Variants in CCDC150 observed in about 807,000 individuals in gnomAD.
CCDC150 encodes the protein coiled-coil domain containing 150.
CCDC150 carries 151 observed loss-of-function variants against 156.5 expected under a neutral mutation model. That is an observed-to-expected ratio of 0.97 (90% confidence interval 0.85 to 1.10). The LOEUF (loss-of-function observed/expected upper bound fraction) is 1.10, where lower values mean the gene tolerates loss of function less well. CCDC150 is among the 50% of genes least tolerant of loss of function. The probability of loss-of-function intolerance (pLI) is 0.00; values close to 1 mark genes in which losing one functional copy is unlikely to be tolerated. For synonymous variants in CCDC150, 452 were observed against 429.4 expected (o/e 1.05, Z -0.65); for missense variants, 1,312 against 1,268.1 (o/e 1.03, Z -0.53).
intron 21 of CCDC150, among the ~76,000 whole-genome samples, chr2:196,723,509 T>C (rs745652439): frequency 6.6e-5 from 10 of 151,780 alleles, no homozygotes; most frequent in Non-Finnish European, 1.5e-4. Flanking sequence ...CTCAAAAAAA[T>C]AAAAAGATAA....
chr2:196,718,268 T>C (rs906066776), intron 17 of CCDC150: 1 of 257,826 alleles, frequency 3.9e-6, no homozygotes. Flanking sequence ...GATAGTCTTA[T>C]TCTCCCTATT....
At chr2:196,701,227 C>A in intron 15 of CCDC150, 47 bp downstream of exon 15, 1 of 1,241,332 alleles carries the variant, frequency 8.1e-7, no homozygotes, top group Non-Finnish European at 1.1e-6. Flanking sequence ...TTTAAAAATA[C>A]CAATTATCAA....
intron 18 of CCDC150, 21 bp downstream of exon 18, chr2:196,718,652 G>A: frequency 6.2e-7 from 1 of 1,609,646 alleles, no homozygotes; most frequent in South Asian, 1.1e-5. Context: ...AGTCCCTTCT[G>A]ACCGTCTGTC....
At chr2:196,642,247 A>G (rs1692273210) in intron 1 of CCDC150, among the ~76,000 whole-genome samples, 2 of 152,200 alleles carry the variant, frequency 1.3e-5, no homozygotes, top group Non-Finnish European at 2.9e-5. Context: ...TCTTTGCTAG[A>G]ATGTCAGCCA....
At chr2:196,710,677 A>G (rs1185757069) in intron 15 of CCDC150, among the ~76,000 whole-genome samples, 2 of 152,256 alleles carry the variant, frequency 1.3e-5, no homozygotes, top group Non-Finnish European at 2.9e-5. Flanking sequence ...GGCATATTAA[A>G]TAGGTACATT....
intron 15 of CCDC150, among the ~76,000 whole-genome samples, chr2:196,709,685 G>A (rs190826188): frequency 6.6e-6 from 1 of 152,330 alleles, no homozygotes; most frequent in African/African-American, 2.4e-5. Flanking sequence ...TACAGATGGA[G>A]TTTTCATGTG....
intron 13 of CCDC150, among the ~76,000 whole-genome samples, chr2:196,689,447 A>C (rs901821430): frequency 7.3e-5 from 11 of 150,128 alleles, no homozygotes; most frequent in African/African-American, 2.7e-4. Context: ...GTTCTCCTTG[A>C]AGAGGTCCTT....
chr2:196,689,284 A>T (rs972800565), intron 13 of CCDC150, among the ~76,000 whole-genome samples: 1 of 152,142 alleles, frequency 6.6e-6, no homozygotes, highest in Admixed American at 6.5e-5. Flanking sequence ...CTGTGAGGAA[A>T]GTCATTGGTA....
Position 196,712,698 on chromosome 2 carries a change from A to G in CCDC150, c.1825A>G (p.Lys609Glu). 6.2e-7 allele frequency: 1 copy of G among 1,611,034 alleles called. No homozygotes were observed. Among genetic ancestry groups the G allele is most frequent in the South Asian group, 1.1e-5 (1 of 90,210 alleles). Residue 609 changes from lysine (K) to glutamate (E), a missense_variant, in exon 17 of 28, where the codon AAG becomes GAG. Transcript: ENST00000389175. Reference sequence around the variant, plus strand: ...AAAGGCAAACTCAGAACTCAGTGCCAAGAGGGTACACCTGCAGCAGGCAGA... The same window carrying G: ...AAAGGCAAACTCAGAACTCAGTGCCGAGAGGGTACACCTGCAGCAGGCAGA... ...YAQANSELSA[K>E]RVHLQQADAH...
chr2:196,674,688 CT>C (rs1694395288), intron 10 of CCDC150, among the ~76,000 whole-genome samples: 1 of 152,116 alleles, frequency 6.6e-6, no homozygotes, highest in Non-Finnish European at 1.5e-5. Flanking sequence ...ATGCCATTTT[CT>C]CTGCTGAGAA....
intron 19 of CCDC150, among the ~76,000 whole-genome samples, chr2:196,720,005 T>C (rs1697785079): frequency 6.6e-6 from 1 of 152,210 alleles, no homozygotes; most frequent in Non-Finnish European, 1.5e-5. Flanking sequence ...GTCAAGATAA[T>C]TGAAACTAAG....
At position 196,712,240 on chromosome 2, in the gene CCDC150, T is replaced by C; in HGVS notation, c.1791T>C (p.Thr597=). The C allele has an allele frequency of 6.5e-7, 1 of 1,532,514 alleles. No homozygotes were observed. The highest frequency in any genetic ancestry group is 1.2e-5 in the South Asian group (1 of 80,312). 94.9% of individuals were successfully genotyped at this position (1,532,514 alleles called of 1,614,324 possible). A position where few individuals can be genotyped will look rare whatever the true frequency, so the allele number is the denominator to read the frequency against. ...GCAAGATGAATAAGTATTTACAGAC[T>C]AAATATGCTCAGGTGTGATTAATAT... is the stretch of plus-strand genomic sequence containing the variant. ...HLRKMNKYLQ[T]KYAQANSELS... The change falls in exon 16 of 28, where the codon ACT becomes ACC. Residue 597 remains threonine, a synonymous_variant. Coordinates refer to ENST00000389175, the MANE Select transcript of CCDC150 (RefSeq NM_001080539.2).
intron 13 of CCDC150, among the ~76,000 whole-genome samples, chr2:196,681,623 CACAA>C (rs556087499): frequency 6.6e-6 from 1 of 152,278 alleles, no homozygotes; most frequent in South Asian, 2.1e-4. Flanking sequence ...TCCACATCCT[CACAA>C]ACACTTATTT....
intron 26 of CCDC150, 54 bp from the exon 27 acceptor site, chr2:196,731,979 A>T: frequency 6.4e-7 from 1 of 1,569,860 alleles, no homozygotes; most frequent in Non-Finnish European, 8.7e-7. Flanking sequence ...TAATACACAA[A>T]AAAACTTGTA....
chr2:196,661,084 A>G (rs762038638), intron 5 of CCDC150, among the ~76,000 whole-genome samples: 16 of 152,304 alleles, frequency 1.1e-4, no homozygotes, highest in Admixed American at 5.2e-4. Flanking sequence ...GCCATTTAAC[A>G]TTATTTTTTA....
At chr2:196,710,072 C>A (rs1162477693) in intron 15 of CCDC150, among the ~76,000 whole-genome samples, 2 of 152,238 alleles carry the variant, frequency 1.3e-5, no homozygotes. Context: ...TTTAAGTCTG[C>A]AGAAGTTTCT....
chr2:196,730,648 C>A (rs1044278841), intron 25 of CCDC150, among the ~76,000 whole-genome samples: 1 of 152,102 alleles, frequency 6.6e-6, no homozygotes, highest in African/African-American at 2.4e-5. Flanking sequence ...AATAAAAAAT[C>A]AAAATGTGTA....
chr2:196,640,896 A>G (rs1242084101), intron 1 of CCDC150, among the ~76,000 whole-genome samples: 1 of 152,080 alleles, frequency 6.6e-6, no homozygotes, highest in African/African-American at 2.4e-5. Flanking sequence ...TCAGCTATAG[A>G]CCTCCAGTGA....
intron 13 of CCDC150, among the ~76,000 whole-genome samples, chr2:196,680,754 G>A (rs1694769945): frequency 6.6e-6 from 1 of 152,102 alleles, no homozygotes. Flanking sequence ...GGAACTACTG[G>A]GTCATGTGAT....
Sources: gnomAD v4.1 joint callset for allele counts (sites outside exome capture counted in the v4.1 genomes callset) on GRCh38, gnomAD v4.1.1 for gene constraint, MANE v1.5 for transcripts, NCBI Gene and HGNC (gene_info 2026-07-23, HGNC 2026-07-21) for gene names.